RBFOX1: variants seen among roughly 807,000 people sequenced by gnomAD.
RBFOX1 encodes RNA binding fox-1 homolog 1.
RBFOX1 carries 8 observed loss-of-function variants against 57.7 expected under a neutral mutation model. The observed-to-expected ratio is 0.14, with a 90% CI of 0.08 to 0.25. The LOEUF is 0.25. Ranked by LOEUF, RBFOX1 falls within the 10% of genes least tolerant of loss-of-function variation. The pLI is 1.00. For missense variants in RBFOX1, 611 were observed against 548.5 expected (o/e 1.11, Z -1.14); for synonymous variants, 326 against 222.4 (o/e 1.47, Z -4.15).
At chr16:5,612,691 C>T (rs1267848721) in intron 3 of RBFOX1, among the ~76,000 whole-genome samples, 1 of 152,152 alleles carries the variant, frequency 6.6e-6, no homozygotes, top group East Asian at 1.9e-4. Flanking sequence ...GTGCAAAGGC[C>T]CTGTGGCCAG....
At chr16:6,355,220 G>A (rs892926299) in intron 2 of RBFOX1, among the ~76,000 whole-genome samples, 4 of 152,028 alleles carry the variant, frequency 2.6e-5, no homozygotes, top group African/African-American at 9.7e-5. Context: ...GTGCCATGGT[G>A]GTTTGCTGCA....
intron 4 of RBFOX1, among the ~76,000 whole-genome samples, chr16:5,893,080 C>T (rs964847702): frequency 2.6e-5 from 4 of 152,162 alleles, no homozygotes; most frequent in Admixed American, 6.5e-5. Context: ...AAATCTCATG[C>T]GTCAGTATCA....
chr16:7,014,954 G>A (rs1032923293), intron 3 of RBFOX1, among the ~76,000 whole-genome samples: 21 of 152,108 alleles, frequency 1.4e-4, no homozygotes, highest in African/African-American at 5.1e-4. Flanking sequence ...TCAAACTGCT[G>A]ACGTTGTGAT....
chr16:5,639,502 A>G (rs1276344194), intron 3 of RBFOX1, among the ~76,000 whole-genome samples: 2 of 152,222 alleles, frequency 1.3e-5, no homozygotes, highest in Non-Finnish European at 2.9e-5. Flanking sequence ...CCATGTTCCT[A>G]CATAACACTA....
At chr16:6,922,433 T>A (rs1168407476) in intron 3 of RBFOX1, among the ~76,000 whole-genome samples, 1 of 152,214 alleles carries the variant, frequency 6.6e-6, no homozygotes, top group African/African-American at 2.4e-5. Context: ...CAGTGAGCAC[T>A]TCCAGGCTGT....
intron 4 of RBFOX1, among the ~76,000 whole-genome samples, chr16:7,113,748 T>A (rs575409649): frequency 2.0e-5 from 3 of 152,176 alleles, no homozygotes; most frequent in African/African-American, 7.2e-5. Context: ...ATGTTATAGA[T>A]GTGTTCTCTT....
chr16:5,979,534 T>A (rs1185011638), intron 4 of RBFOX1, among the ~76,000 whole-genome samples: 2 of 152,232 alleles, frequency 1.3e-5, no homozygotes, highest in African/African-American at 2.4e-5. Flanking sequence ...CATGTAATCC[T>A]TACATTCTCT....
intron 3 of RBFOX1, among the ~76,000 whole-genome samples, chr16:5,668,437 A>C (rs925927849): frequency 3.3e-5 from 5 of 152,218 alleles, no homozygotes; most frequent in African/African-American, 1.2e-4. Context: ...AGTGCTTCAA[A>C]AAGACTTCAC....
At chr16:7,084,473 C>G (rs988852277) in intron 4 of RBFOX1, among the ~76,000 whole-genome samples, 2 of 152,108 alleles carry the variant, frequency 1.3e-5, no homozygotes, top group Admixed American at 1.3e-4. Flanking sequence ...TAGAGAGATC[C>G]ATTCTTTCCT....
At chr16:5,653,520 G>C (rs964968600) in intron 3 of RBFOX1, among the ~76,000 whole-genome samples, 7 of 150,386 alleles carry the variant, frequency 4.7e-5, no homozygotes, top group African/African-American at 1.5e-4. Flanking sequence ...GTGCGGAGCC[G>C]TGTGCTGCGC....
intron 1 of RBFOX1, among the ~76,000 whole-genome samples, chr16:5,344,355 C>G (rs977609741): frequency 6.6e-6 from 1 of 152,196 alleles, no homozygotes; most frequent in Non-Finnish European, 1.5e-5. Context: ...AAGTCTCCCT[C>G]TGTTTTGCTT....
intron 3 of RBFOX1, among the ~76,000 whole-genome samples, chr16:6,959,680 T>C (rs888928075): frequency 6.6e-6 from 1 of 152,116 alleles, no homozygotes; most frequent in Non-Finnish European, 1.5e-5. Context: ...CTCACATCTG[T>C]AATCTCTAAA....
chr16:6,904,374 G>A (rs1052698712), intron 3 of RBFOX1, among the ~76,000 whole-genome samples: 1 of 151,962 alleles, frequency 6.6e-6, no homozygotes, highest in East Asian at 1.9e-4. Flanking sequence ...GCCCAGGTGG[G>A]AGGATAAGTT....
chr16:7,273,143 C>T (rs1221539847), intron 4 of RBFOX1, among the ~76,000 whole-genome samples: 1 of 124,282 alleles, frequency 8.0e-6, no homozygotes, highest in Non-Finnish European at 1.6e-5. Flanking sequence ...TTCCCTGCTT[C>T]CTTCTTTCTC....
intron 1 of RBFOX1, among the ~76,000 whole-genome samples, chr16:6,183,715 T>G (rs150395853): frequency 6.8e-4 from 104 of 152,120 alleles, no homozygotes; most frequent in African/African-American, 2.3e-3. Flanking sequence ...GCTGCAGACT[T>G]CTTGTCATAT....
At chr16:7,294,159 C>T (rs1285419154) in intron 4 of RBFOX1, among the ~76,000 whole-genome samples, 1 of 152,054 alleles carries the variant, frequency 6.6e-6, no homozygotes, top group Non-Finnish European at 1.5e-5. Context: ...GGAGGGTTCC[C>T]AAAGTAGACC....
chr16:5,721,190 T>A, intron 3 of RBFOX1, among the ~76,000 whole-genome samples: 1 of 152,342 alleles, frequency 6.6e-6, no homozygotes, highest in East Asian at 1.9e-4. Context: ...TATTTTAAAG[T>A]TTAAGTTTAT....
Position 5,856,231 on chromosome 16 carries a change from A to G in RBFOX1, c.319-11072A>G, listed in dbSNP as rs12927758. 2.4e-3 allele frequency among the ~76,000 whole-genome samples: 122 copies of G among 50,592 alleles called. 8 individuals are homozygous for G. Among genetic ancestry groups the G allele is most frequent in the African/African-American group, 5.9e-3 (85 of 14,412 alleles). The allele number at this position is 50,592 out of a possible 152,430, so 33.2% of individuals were successfully genotyped here. On this transcript the variant is annotated intron_variant, in intron 3 of 19. Transcript: ENST00000641259. The stretch of plus-strand genomic sequence containing the variant: ...TACATATATATGTATATATATATGT[A>G]TATATATGTGTATATATATGTATAT...
chr16:7,365,770 A>G (rs986836307), intron 4 of RBFOX1, among the ~76,000 whole-genome samples: 3 of 152,194 alleles, frequency 2.0e-5, no homozygotes, highest in African/African-American at 7.2e-5. Flanking sequence ...TGTAAACACA[A>G]CTCAAGTCAG....
Sources: allele counts gnomAD v4.1 joint callset (sites outside exome capture counted in the v4.1 genomes callset), GRCh38; gene constraint gnomAD v4.1.1; transcripts MANE v1.5; gene names NCBI Gene and HGNC (gene_info 2026-07-23, HGNC 2026-07-21).